GHR: variants seen among roughly 807,000 people sequenced by gnomAD.
GHR encodes the protein GH receptor.
In GHR, 35 loss-of-function variants were observed where a neutral mutation model predicts 67.1. The observed-to-expected ratio is 0.52, with a 90% confidence interval of 0.40 to 0.69. The LOEUF (loss-of-function observed/expected upper bound fraction) is 0.69, where lower values mean the gene tolerates loss of function less well. Among genes scored for constraint, GHR ranks in the 30% least tolerant of loss-of-function variants. The probability of loss-of-function intolerance (pLI) is 0.00; values close to 1 mark genes in which losing one functional copy is unlikely to be tolerated. For synonymous variants in GHR, 272 were observed against 269.1 expected, an observed-to-expected ratio of 1.01 and a Z score of -0.10; for missense variants, 792 against 764.6, an observed-to-expected ratio of 1.04 and a Z score of -0.42.
intron 1 of GHR, among the ~76,000 whole-genome samples, chr5:42,457,030 C>A (rs567726725): frequency 6.6e-6 from 1 of 152,274 alleles, no homozygotes; most frequent in Non-Finnish European, 1.5e-5. Flanking sequence ...ATGTGACTGG[C>A]TTTCCCTGGG....
In GHR at chr5:42,686,523, C is replaced by T. The variant is rs574225414; in HGVS notation, c.137-2367C>T. Among the ~76,000 whole-genome samples, 152 of 152,330 alleles carry T rather than the reference C, an allele frequency of 1.0e-3. 1 individual carries two copies. Among genetic ancestry groups the T allele is most frequent in the African/African-American group, 3.6e-3 (150 of 41,572 alleles). On this transcript the variant is annotated intron_variant, in intron 3 of 9. Coordinates refer to ENST00000230882, the MANE Select transcript of GHR (RefSeq NM_000163.5). ...TCCCTGGAATGCAAGGCTGGTTCAA[C>T]ATACACAAATCAATAAACGTAATCC...
intron 1 of GHR, among the ~76,000 whole-genome samples, chr5:42,533,204 G>A (rs1214734209): frequency 6.6e-6 from 1 of 151,852 alleles, no homozygotes; most frequent in African/African-American, 2.4e-5. Flanking sequence ...ACTTTTCATA[G>A]GGCCATTTAA....
intron 1 of GHR, among the ~76,000 whole-genome samples, chr5:42,452,390 T>G (rs1292625063): frequency 2.0e-5 from 3 of 152,200 alleles, no homozygotes; most frequent in African/African-American, 7.2e-5. Flanking sequence ...TGATTATCTT[T>G]GCAATGAATT....
chr5:42,468,246 T>C (rs1744825863), intron 1 of GHR: 6 of 1,550,980 alleles, frequency 3.9e-6, no homozygotes, highest in Non-Finnish European at 5.3e-6. Context: ...GGAAGTTTTC[T>C]TCTTCCTCCT....
rs374280070 is a variant in GHR at position 42,694,927 on chromosome 5, G to A, written c.277G>A (p.Glu93Lys). 1 of 1,608,982 alleles carries A rather than the reference G, an allele frequency of 6.2e-7. No individual in the cohort carries two copies. ...AACCCTTCATTTTAGGAACACTCAA[G>A]AATGGACTCAAGAATGGAAAGAATG... ...QLFYTRRNTQ[E>K]WTQEWKECPD... The change falls in exon 5 of 10, where the codon GAA (glutamate) becomes AAA (lysine). Residue 93 changes from glutamate to lysine, a missense_variant. Glu to Lys is a moderately conservative substitution (Grantham distance 56). Coordinates refer to ENST00000230882, the MANE Select transcript of GHR (RefSeq NM_000163.5).
At chr5:42,691,145 C>T (rs1398453535) in intron 4 of GHR, among the ~76,000 whole-genome samples, 3 of 152,144 alleles carry the variant, frequency 2.0e-5, no homozygotes, top group Non-Finnish European at 4.4e-5. Flanking sequence ...CCAGGATCTA[C>T]ACTACCAAGG....
rs567030431 is a variant in GHR at position 42,654,896 on chromosome 5, G to A, written c.136+25793G>A. On this transcript the variant is annotated intron_variant, in intron 3 of 9. Transcript: ENST00000230882. ...TGCAGACTATTGATTGCAGCCACTT[G>A]GCAAGGCTCTATAAGAAAAAGCGAG... Among the ~76,000 whole-genome samples, 4 of 152,184 alleles carry A rather than the reference G, an allele frequency of 2.6e-5. No homozygotes were observed. The South Asian group carries it at 6.2e-4, about 24-fold the overall frequency.
chr5:42,533,309 C>A (rs1748063726), intron 1 of GHR, among the ~76,000 whole-genome samples: 1 of 151,798 alleles, frequency 6.6e-6, no homozygotes, highest in Admixed American at 6.6e-5. Context: ...TATGTGTGAT[C>A]CTAATATGTG....
chr5:42,567,781 G>GTGTGTA (rs1279669679), intron 2 of GHR, among the ~76,000 whole-genome samples: 7 of 149,404 alleles, frequency 4.7e-5, no homozygotes, highest in African/African-American at 1.7e-4. Flanking sequence ...GTGTGTGTGT[G>GTGTGTA]TGTGTGTGTG....
chr5:42,702,850 A>G (rs990537963), intron 6 of GHR, among the ~76,000 whole-genome samples: 4 of 151,962 alleles, frequency 2.6e-5, no homozygotes, highest in African/African-American at 9.7e-5. Flanking sequence ...CCTGTTGGCC[A>G]TTTCTATATC....
At chr5:42,457,230 AT>A (rs1744300167) in intron 1 of GHR, among the ~76,000 whole-genome samples, 1 of 152,164 alleles carries the variant, frequency 6.6e-6, no homozygotes. Flanking sequence ...CTGGCATTGG[AT>A]TTAAGTGGGT....
chr5:42,719,339 C>T lies in GHR; in HGVS notation c.1832C>T (p.Ala611Val), dbSNP rs775194712. 23 of 1,613,854 alleles carry T rather than the reference C, an allele frequency of 1.4e-5. No individual in the cohort carries two copies. The highest frequency in any genetic ancestry group is 5.0e-5 in the Admixed American group (3 of 60,014). ...TCCCCACAGGGCCTCATACTCAATG[C>T]GACTGCCTTGCCCTTGCCTGACAAA... ...VQSPQGLILN[A>V]TALPLPDKEF... Residue 611 changes from alanine to valine, a missense_variant, in exon 10 of 10, where the codon GCG becomes GTG. By Grantham distance (64) the Ala-to-Val change is moderately conservative. Coordinates refer to ENST00000230882, the MANE Select transcript of GHR (RefSeq NM_000163.5).
chr5:42,430,620 G>GTGTGTC (rs907294480), intron 1 of GHR, among the ~76,000 whole-genome samples: 11 of 151,538 alleles, frequency 7.3e-5, no homozygotes, highest in South Asian at 2.1e-4. Flanking sequence ...GTGTGTGTGT[G>GTGTGTC]TGTGTGTGTG....
intron 1 of GHR, among the ~76,000 whole-genome samples, chr5:42,563,665 G>C (rs1400509940): frequency 6.7e-6 from 1 of 148,824 alleles, no homozygotes; most frequent in African/African-American, 2.5e-5. Flanking sequence ...AAAATTAGCT[G>C]GGCATGGTGG....
intron 1 of GHR, among the ~76,000 whole-genome samples, chr5:42,430,030 A>G (rs532485772): frequency 6.6e-6 from 1 of 152,346 alleles, no homozygotes; most frequent in East Asian, 1.9e-4. Context: ...TCAGCCATCT[A>G]CTTTTTCTCA....
At chr5:42,640,386 A>C (rs1469513683) in intron 3 of GHR, among the ~76,000 whole-genome samples, 1 of 152,162 alleles carries the variant, frequency 6.6e-6, no homozygotes, top group Admixed American at 6.5e-5. Flanking sequence ...GAACATAGAA[A>C]AGTTCCTAGC....
intron 2 of GHR, among the ~76,000 whole-genome samples, chr5:42,595,907 A>G (rs535035452): frequency 6.6e-6 from 1 of 152,192 alleles, no homozygotes; most frequent in Non-Finnish European, 1.5e-5. Flanking sequence ...ATATCTTTTC[A>G]TTTGATTGAA....
chr5:42,580,171 C>T (rs925398958), intron 2 of GHR, among the ~76,000 whole-genome samples: 1 of 152,022 alleles, frequency 6.6e-6, no homozygotes, highest in Non-Finnish European at 1.5e-5. Context: ...CAGCTTTCCT[C>T]ACTTGAAAAA....
At chr5:42,708,798 C>G (rs1203435409) in intron 6 of GHR, among the ~76,000 whole-genome samples, 1 of 152,188 alleles carries the variant, frequency 6.6e-6, no homozygotes, top group African/African-American at 2.4e-5. Context: ...TGTTAATCAA[C>G]TGTTCAGGGC....
Sources: allele counts gnomAD v4.1 joint callset (sites outside exome capture counted in the v4.1 genomes callset), GRCh38; gene constraint gnomAD v4.1.1; transcripts MANE v1.5; gene names NCBI Gene and HGNC (gene_info 2026-07-23, HGNC 2026-07-21).